PRELID2: variants seen among roughly 807,000 people sequenced by gnomAD.
PRELID2 encodes PRELI domain-containing protein 2.
A neutral mutation model predicts 28.4 loss-of-function variants in PRELID2; 25 were observed. The observed-to-expected ratio is 0.88, with a 90% confidence interval of 0.64 to 1.23. The LOEUF (loss-of-function observed/expected upper bound fraction) is 1.23, where lower values mean the gene tolerates loss of function less well. Ranked by LOEUF, PRELID2 falls within the 50% of genes most tolerant of loss-of-function variation. The pLI is 0.00. For missense variants in PRELID2, 201 were observed against 214.4 expected, an observed-to-expected ratio of 0.94 and a Z score of 0.39; for synonymous variants, 76 against 71.6, an observed-to-expected ratio of 1.06 and a Z score of -0.31.
intron 1 of PRELID2, among the ~76,000 whole-genome samples, chr5:145,727,057 G>A (rs1756189921): frequency 6.6e-6 from 1 of 152,230 alleles, no homozygotes; most frequent in African/African-American, 2.4e-5. Flanking sequence ...CAGAGTTCTG[G>A]AAGCCCAGAC....
Position 145,757,634 on chromosome 5 carries a change from C to T in PRELID2, c.*2902G>A, listed in dbSNP as rs1228124364. On this transcript the variant is annotated 3_prime_UTR_variant, in exon 7 of 7. Transcript: ENST00000683046. ...GACTTCTAAATGTTTTATCACAAAA[C>T]ATATAATTTAAAAAAATTAACAAGC... Among the ~76,000 whole-genome samples the T allele has an allele frequency of 6.6e-6, 1 of 151,828 alleles. No homozygotes were observed. The highest frequency in any genetic ancestry group is 1.5e-5 in the Non-Finnish European group (1 of 67,960).
chr5:145,830,881 T>C (rs559236273), intron 1 of PRELID2, among the ~76,000 whole-genome samples: 1 of 152,318 alleles, frequency 6.6e-6, no homozygotes, highest in South Asian at 2.1e-4. Context: ...TAGTATATTA[T>C]AACTTGGAAG....
the PRELID2 span, among the ~76,000 whole-genome samples, chr5:145,401,714 G>T: frequency 6.6e-6 from 1 of 152,140 alleles, no homozygotes; most frequent in Non-Finnish European, 1.5e-5. Flanking sequence ...TGGACTTGAT[G>T]TGCACATTTA....
chr5:145,422,896 G>C, the PRELID2 span, among the ~76,000 whole-genome samples: 1 of 151,856 alleles, frequency 6.6e-6, no homozygotes, highest in Non-Finnish European at 1.5e-5. Context: ...TCCATGTTTA[G>C]TGCTTCCTTC....
intron 5 of PRELID2, among the ~76,000 whole-genome samples, chr5:145,766,377 GCT>G (rs1347144068): frequency 1.3e-5 from 2 of 152,162 alleles, no homozygotes; most frequent in Admixed American, 6.5e-5. Flanking sequence ...ATTAGGCAGG[GCT>G]GTGAACACCA....
intron 1 of PRELID2, among the ~76,000 whole-genome samples, chr5:145,623,076 C>T (rs1432807859): frequency 3.3e-5 from 5 of 151,952 alleles, no homozygotes; most frequent in African/African-American, 7.3e-5. Flanking sequence ...ATGGTAAAGA[C>T]TTTCCTGAAG....
At chr5:145,295,830 A>C in the PRELID2 span, among the ~76,000 whole-genome samples, 1 of 152,198 alleles carries the variant, frequency 6.6e-6, no homozygotes, top group African/African-American at 2.4e-5. Flanking sequence ...AAACAAGTAG[A>C]CAATGTAATT....
the PRELID2 span, among the ~76,000 whole-genome samples, chr5:145,231,225 T>A: frequency 1.3e-5 from 2 of 152,262 alleles, no homozygotes; most frequent in African/African-American, 4.8e-5. Context: ...TTTTTTTTTT[T>A]ATTTTTTGTC....
intron 2 of PRELID2, among the ~76,000 whole-genome samples, chr5:145,820,510 G>A (rs540196873): frequency 2.0e-5 from 3 of 152,160 alleles, no homozygotes; most frequent in Admixed American, 2.0e-4. Flanking sequence ...TCAACAAAAA[G>A]AGGGAGAACC....
At chr5:145,298,435 G>T in the PRELID2 span, among the ~76,000 whole-genome samples, 1 of 152,118 alleles carries the variant, frequency 6.6e-6, no homozygotes, top group African/African-American at 2.4e-5. Context: ...AGCTGAAACT[G>T]GATCCCTTCC....
At chr5:145,617,567 TC>T (rs1251984185) in intron 1 of PRELID2, among the ~76,000 whole-genome samples, 1 of 152,176 alleles carries the variant, frequency 6.6e-6, no homozygotes, top group African/African-American at 2.4e-5. Flanking sequence ...TATTCCTTTT[TC>T]TTTGTCTTTG....
At chr5:145,814,321 C>G (rs1754151911) in intron 4 of PRELID2, among the ~76,000 whole-genome samples, 1 of 152,132 alleles carries the variant, frequency 6.6e-6, no homozygotes. Context: ...ACAAAATCAG[C>G]CAATTCCATC....
chr5:145,367,365 A>C, the PRELID2 span, among the ~76,000 whole-genome samples: 1 of 151,886 alleles, frequency 6.6e-6, no homozygotes, highest in African/African-American at 2.4e-5. Context: ...TAATATACTC[A>C]CTGTCTGCAC....
intron 1 of PRELID2, among the ~76,000 whole-genome samples, chr5:145,601,606 G>A (rs952783521): frequency 1.3e-5 from 2 of 152,164 alleles, no homozygotes; most frequent in Non-Finnish European, 2.9e-5. Flanking sequence ...GAGTTAATAA[G>A]AGAGTGAGAA....
intron 1 of PRELID2, among the ~76,000 whole-genome samples, chr5:145,834,065 G>A (rs1409891231): frequency 6.6e-6 from 1 of 152,188 alleles, no homozygotes; most frequent in East Asian, 1.9e-4. Context: ...CACAATCCTA[G>A]AAACAGTCTT....
chr5:145,434,819 A>G, the PRELID2 span, among the ~76,000 whole-genome samples: 1 of 152,172 alleles, frequency 6.6e-6, no homozygotes, highest in East Asian at 1.9e-4. Context: ...ATCCATCTTT[A>G]TATGTGAAAG....
rs150031199 is a variant in PRELID2 at position 145,674,800 on chromosome 5, A to G, written n.70+90131T>C. On this transcript the variant is annotated intron_variant and non_coding_transcript_variant, in intron 1 of 2. Transcript: ENST00000510259. ...TGTCTCTACTAAAAATACACAAATTAGCCAGGTGTGGTGGTGCACACCTGT... is the reference window on the plus strand; with the variant it reads ...TGTCTCTACTAAAAATACACAAATTGGCCAGGTGTGGTGGTGCACACCTGT... Among the ~76,000 whole-genome samples the G allele has an allele frequency of 4.3e-4, 65 of 152,262 alleles. 1 individual carries two copies. The highest frequency in any genetic ancestry group is 1.5e-3 in the African/African-American group (63 of 41,556).
At chr5:145,393,362 G>A in the PRELID2 span, among the ~76,000 whole-genome samples, 1 of 152,136 alleles carries the variant, frequency 6.6e-6, no homozygotes, top group Non-Finnish European at 1.5e-5. Context: ...ACCTCGGTGT[G>A]GGAACTGAGT....
intron 1 of PRELID2, among the ~76,000 whole-genome samples, chr5:145,632,169 T>C (rs1561525870): frequency 6.6e-6 from 1 of 152,186 alleles, no homozygotes; most frequent in Non-Finnish European, 1.5e-5. Flanking sequence ...CTGTGAAACC[T>C]ATCTCCCATC....
Sources: gnomAD v4.1 joint callset for allele counts (sites outside exome capture counted in the v4.1 genomes callset) on GRCh38, gnomAD v4.1.1 for gene constraint, MANE v1.5 for transcripts, NCBI Gene and HGNC (gene_info 2026-07-23, HGNC 2026-07-21) for gene names.